The following PDE8A variants were observed in gnomAD, a reference collection of about 807,000 sequenced individuals.
PDE8A encodes the protein high affinity cAMP-specific and IBMX-insensitive 3',5'-cyclic phosphodiesterase 8A.
A neutral mutation model predicts 105.0 loss-of-function variants in PDE8A; 59 were observed. That is an observed-to-expected ratio of 0.56 (90% CI 0.46 to 0.70). PDE8A has a LOEUF of 0.70. Ranked by LOEUF, PDE8A falls within the 30% of genes least tolerant of loss-of-function variation. PDE8A has a pLI of 0.00. For missense variants in PDE8A, 1,014 were observed against 1,045.9 expected (o/e 0.97, Z 0.42); for synonymous variants, 355 against 371.9 (o/e 0.95, Z 0.52).
At chr15:85,021,396 A>G (rs2080424075) in intron 1 of PDE8A, among the ~76,000 whole-genome samples, 1 of 152,090 alleles carries the variant, frequency 6.6e-6, no homozygotes, top group Admixed American at 6.5e-5. Context: ...TTAAAAATTT[A>G]GCTGGGCATG....
chr15:85,036,949 C>T (rs1216331042), intron 1 of PDE8A, among the ~76,000 whole-genome samples: 2 of 152,138 alleles, frequency 1.3e-5, no homozygotes, highest in African/African-American at 4.8e-5. Flanking sequence ...GGAGATAGAA[C>T]AGTCCCCACC....
At chr15:85,025,238 C>T (rs1394502873) in intron 1 of PDE8A, among the ~76,000 whole-genome samples, 1 of 152,148 alleles carries the variant, frequency 6.6e-6, no homozygotes, top group Non-Finnish European at 1.5e-5. Flanking sequence ...ACTCCCACTA[C>T]CCCTTTGAAC....
In PDE8A at chr15:85,051,561, C is replaced by G. The variant is rs556809996; in HGVS notation, c.187-12809C>G. ...TGCCATGGTGTTTTGCTGCACAGATCAACCCATCACCCAGGTATTAAGCCC... is the reference window on the plus strand; with the variant it reads ...TGCCATGGTGTTTTGCTGCACAGATGAACCCATCACCCAGGTATTAAGCCC... On this transcript the variant is annotated intron_variant, in intron 1 of 21. Coordinates refer to ENST00000394553, the MANE Select transcript of PDE8A (RefSeq NM_002605.3). 2.6e-5 allele frequency among the ~76,000 whole-genome samples: 4 copies of G among 152,012 alleles called. No homozygotes were observed. The South Asian group carries it at 8.3e-4, about 32-fold the overall frequency.
At chr15:85,059,464 C>A (rs2081111793) in intron 1 of PDE8A, among the ~76,000 whole-genome samples, 1 of 152,120 alleles carries the variant, frequency 6.6e-6, no homozygotes, top group African/African-American at 2.4e-5. Context: ...CTGTCTCTTC[C>A]TTCAATTCTG....
At chr15:85,010,868 C>A (rs2080228046) in intron 1 of PDE8A, among the ~76,000 whole-genome samples, 1 of 86,876 alleles carries the variant, frequency 1.2e-5, no homozygotes, top group South Asian at 3.4e-4. Flanking sequence ...TGTCCCTTAA[C>A]CTAGTTCTGT....
At chr15:85,122,018 T>C (rs2082190345) in intron 18 of PDE8A, among the ~76,000 whole-genome samples, 1 of 152,200 alleles carries the variant, frequency 6.6e-6, no homozygotes, top group African/African-American at 2.4e-5. Context: ...GTCATCTATC[T>C]CTCTCCCTGA....
rs1309683017 is a variant in PDE8A, at chr15:85,115,116, G to T, written c.1351-323G>T. On this transcript the variant is annotated intron_variant, in intron 14 of 21. Transcript: ENST00000394553. ...GTCCCTAAGAAACCAAATGGTCCTG[G>T]AGTGCAAGCAAGAATGCTGGGCTTA... 2.7e-5 allele frequency: 9 copies of T among 328,064 alleles called. No homozygotes were observed. In the East Asian group the frequency reaches 6.2e-4, roughly 23 times the overall value. The allele number at this position is 328,064 out of a possible 1,614,324, so 20.3% of individuals were successfully genotyped here.
intron 1 of PDE8A, among the ~76,000 whole-genome samples, chr15:84,987,868 T>A (rs958330811): frequency 1.4e-4 from 21 of 152,006 alleles, no homozygotes; most frequent in Non-Finnish European, 2.6e-4. Flanking sequence ...CAGAATATTT[T>A]AAAAAATTTT....
rs188253104 is a variant in PDE8A, at chr15:85,030,522, T to C, written c.187-33848T>C. On this transcript the variant is annotated intron_variant, in intron 1 of 21. Transcript: ENST00000394553. The stretch of plus-strand genomic sequence containing the variant: ...TAGTTTTATTGTTTTTACCTGGTAT[T>C]TGTTCCTGGGCACTTAAGTGCTTGC... Among the ~76,000 whole-genome samples, 64 of 152,280 alleles carry C rather than the reference T, an allele frequency of 4.2e-4. No individual in the cohort carries two copies. In the East Asian group the frequency reaches 9.3e-3, roughly 22 times the overall value.
At chr15:84,980,740 G>A (rs773562396), upstream of PDE8A, 3 of 152,260 alleles carry the variant, frequency 2.0e-5, no homozygotes, top group Admixed American at 6.5e-5. Context: ...GCGTGTCCGG[G>A]GTCCTCATGG....
chr15:84,997,980 T>C (rs1381319393), intron 1 of PDE8A, among the ~76,000 whole-genome samples: 1 of 152,270 alleles, frequency 6.6e-6, no homozygotes, highest in Non-Finnish European at 1.5e-5. Flanking sequence ...TCTTAGAATC[T>C]ACTTTTAAGT....
At chr15:85,134,345 C>T (rs774624470) in intron 20 of PDE8A, among the ~76,000 whole-genome samples, 10 of 152,156 alleles carry the variant, frequency 6.6e-5, no homozygotes, top group Admixed American at 3.3e-4. Context: ...ATCAGGAGAG[C>T]GCCCCGCCCA....
chr15:85,014,589 A>T (rs2080293210), intron 1 of PDE8A, among the ~76,000 whole-genome samples: 1 of 152,134 alleles, frequency 6.6e-6, no homozygotes, highest in Non-Finnish European at 1.5e-5. Context: ...TAAGTATTTT[A>T]ATGTATTTGA....
Position 85,117,845 on chromosome 15 carries a change from CTGT to C in PDE8A, c.1734+11_1734+13del. 1 of 1,608,868 alleles carries C rather than the reference CTGT, an allele frequency of 6.2e-7. No individual in the cohort carries two copies. The highest frequency in any genetic ancestry group is 8.5e-7 in the Non-Finnish European group (1 of 1,175,562). On this transcript the variant is annotated splice_region_variant and intron_variant, in intron 17 of 21. Coordinates refer to ENST00000394553, the MANE Select transcript of PDE8A (RefSeq NM_002605.3). ...TCTCCAAGGAGAGGATAAAGGTGAG[CTGT>C]TGTTTACCTGCCACATTTAATGGGC...
chr15:85,006,600 A>G (rs1265140220), intron 1 of PDE8A, among the ~76,000 whole-genome samples: 2 of 152,062 alleles, frequency 1.3e-5, no homozygotes, highest in African/African-American at 4.8e-5. Flanking sequence ...ATTGTCTATT[A>G]CTTTGGCTGT....
intron 1 of PDE8A, among the ~76,000 whole-genome samples, chr15:84,992,641 C>T (rs776913667): frequency 6.6e-6 from 1 of 152,028 alleles, no homozygotes; most frequent in Non-Finnish European, 1.5e-5. Context: ...AAGGTATGAC[C>T]AGGTATGACT....
chr15:85,044,289 A>T (rs554286895), intron 1 of PDE8A, among the ~76,000 whole-genome samples: 1 of 152,334 alleles, frequency 6.6e-6, no homozygotes, highest in South Asian at 2.1e-4. Flanking sequence ...AGTCAGGGTA[A>T]CATACACAAG....
chr15:85,082,346 TA>T (rs1216948023), intron 5 of PDE8A, among the ~76,000 whole-genome samples: 2 of 152,204 alleles, frequency 1.3e-5, no homozygotes, highest in African/African-American at 4.8e-5. Context: ...TCTTTACATT[TA>T]TGCAGCAGTT....
At chr15:85,083,084 C>T (rs955510232) in intron 5 of PDE8A, among the ~76,000 whole-genome samples, 1 of 152,214 alleles carries the variant, frequency 6.6e-6, no homozygotes, top group Non-Finnish European at 1.5e-5. Context: ...GTTGGGGTTC[C>T]CCCTGTGAAA....
Sources: gnomAD v4.1 joint callset for allele counts (sites outside exome capture counted in the v4.1 genomes callset) on GRCh38, gnomAD v4.1.1 for gene constraint, MANE v1.5 for transcripts, NCBI Gene and HGNC (gene_info 2026-07-23, HGNC 2026-07-21) for gene names.